The following CSMD1 variants were observed in gnomAD, a reference collection of about 807,000 sequenced individuals.
The protein encoded by CSMD1 is CUB and Sushi multiple domains 1, also known as CUB and sushi domain-containing protein 1.
In CSMD1, 213 loss-of-function variants were observed where a neutral mutation model predicts 417.5. The observed-to-expected ratio is 0.51, with a 90% CI of 0.46 to 0.57. The LOEUF (loss-of-function observed/expected upper bound fraction) is 0.57. Among genes scored for constraint, CSMD1 ranks in the 20% least tolerant of loss-of-function variants. CSMD1 has a pLI of 0.00. For synonymous variants in CSMD1, 2,862 were observed against 1,736.8 expected (o/e 1.65, Z -16.11); for missense variants, 6,923 against 4,529.7 (o/e 1.53, Z -15.17).
intron 3 of CSMD1, among the ~76,000 whole-genome samples, chr8:4,391,383 G>C (rs1456543531): frequency 1.3e-5 from 2 of 152,134 alleles, no homozygotes; most frequent in African/African-American, 2.4e-5. Flanking sequence ...TGCAGAAAAA[G>C]TGATGTAAGA....
Position 3,832,813 on chromosome 8 carries a change from A to T in CSMD1, c.819-78771T>A, listed in dbSNP as rs563661949. On this transcript the variant is annotated intron_variant, in intron 5 of 69. Transcript: ENST00000635120. ...TTAGAAATACCTTCGCCTTATTAAA[A>T]ATAAAATAAAAATCAATTTGTATGG... Among the ~76,000 whole-genome samples, 4 of 152,326 alleles carry T rather than the reference A, an allele frequency of 2.6e-5. No homozygotes were observed. The South Asian group carries it at 8.3e-4, about 32-fold the overall frequency.
At chr8:4,918,148 G>T (rs77460426) in intron 1 of CSMD1, among the ~76,000 whole-genome samples, 1 of 152,108 alleles carries the variant, frequency 6.6e-6, no homozygotes, top group Non-Finnish European at 1.5e-5. Flanking sequence ...TTCTTCCTTT[G>T]AATGGAATCC....
chr8:4,833,149 G>A (rs767584219), intron 1 of CSMD1, among the ~76,000 whole-genome samples: 1 of 152,092 alleles, frequency 6.6e-6, no homozygotes, highest in African/African-American at 2.4e-5. Flanking sequence ...GATATCCACT[G>A]TATTAGTCCA....
At chr8:4,114,702 C>G (rs1051875332) in intron 3 of CSMD1, among the ~76,000 whole-genome samples, 7 of 152,108 alleles carry the variant, frequency 4.6e-5, no homozygotes, top group African/African-American at 1.7e-4. Flanking sequence ...GTCAAAATTT[C>G]AAAATGAATA....
intron 1 of CSMD1, among the ~76,000 whole-genome samples, chr8:4,758,670 G>A (rs185637145): frequency 7.9e-4 from 120 of 152,280 alleles, no homozygotes; most frequent in Non-Finnish European, 1.4e-3. Flanking sequence ...CATGGCAAAA[G>A]GAATAGTGGA....
chr8:3,439,451 G>T (rs996728326), intron 12 of CSMD1, among the ~76,000 whole-genome samples: 1 of 149,984 alleles, frequency 6.7e-6, no homozygotes, highest in South Asian at 2.1e-4. Context: ...TTGGTGAAAG[G>T]TCTTCTGAAC....
At chr8:4,149,650 G>T (rs1296568268) in intron 3 of CSMD1, among the ~76,000 whole-genome samples, 1 of 152,198 alleles carries the variant, frequency 6.6e-6, no homozygotes, top group Non-Finnish European at 1.5e-5. Context: ...AACACCTACA[G>T]AATGGAGGAT....
intron 5 of CSMD1, among the ~76,000 whole-genome samples, chr8:3,853,637 C>G (rs1041003919): frequency 2.0e-5 from 3 of 151,926 alleles, no homozygotes. Flanking sequence ...CCCCTGTGAG[C>G]AATGCTCCTC....
At chr8:4,045,313 G>C (rs981854458) in intron 3 of CSMD1, among the ~76,000 whole-genome samples, 1 of 152,222 alleles carries the variant, frequency 6.6e-6, no homozygotes, top group Non-Finnish European at 1.5e-5. Flanking sequence ...TATAGGGTTA[G>C]GCAGGTAAAA....
chr8:4,660,782 G>C (rs974328519), intron 1 of CSMD1, among the ~76,000 whole-genome samples: 4 of 151,868 alleles, frequency 2.6e-5, no homozygotes, highest in African/African-American at 9.7e-5. Context: ...CAGCCATAAA[G>C]CCAACAATCC....
At chr8:4,983,444 C>A (rs1472582977) in intron 1 of CSMD1, among the ~76,000 whole-genome samples, 1 of 152,138 alleles carries the variant, frequency 6.6e-6, no homozygotes, top group Non-Finnish European at 1.5e-5. Context: ...GCAAGAGTGC[C>A]CTTCAGTTCT....
chr8:4,391,400 A>G (rs1339979073), intron 3 of CSMD1, among the ~76,000 whole-genome samples: 1 of 152,162 alleles, frequency 6.6e-6, no homozygotes, highest in Admixed American at 6.5e-5. Flanking sequence ...AAGACTTTGA[A>G]GACTAGGCTT....
intron 1 of CSMD1, among the ~76,000 whole-genome samples, chr8:4,680,738 C>G (rs919666094): frequency 6.6e-6 from 1 of 152,006 alleles, no homozygotes; most frequent in South Asian, 2.1e-4. Context: ...GCCCACCACA[C>G]CCAGCTATTT....
In CSMD1 at chr8:3,492,013, T is replaced by C. The variant is rs148973828; in HGVS notation, c.1448+1610A>G. 6.1e-3 allele frequency among the ~76,000 whole-genome samples: 928 copies of C among 152,050 alleles called. 6 individuals carry two copies. The highest frequency in any genetic ancestry group is 9.0e-3 in the Non-Finnish European group (611 of 67,970). ...ACAAGCTCTTTGTTCTCAGGGCAAATGGGAGGGGTAGGAAGGGATGAGGAA... is the reference window on the plus strand; with the variant it reads ...ACAAGCTCTTTGTTCTCAGGGCAAACGGGAGGGGTAGGAAGGGATGAGGAA... On this transcript the variant is annotated intron_variant, in intron 11 of 69. Coordinates refer to ENST00000635120, the MANE Select transcript of CSMD1 (RefSeq NM_033225.6).
At chr8:4,771,127 T>C (rs1796576191) in intron 1 of CSMD1, among the ~76,000 whole-genome samples, 1 of 152,164 alleles carries the variant, frequency 6.6e-6, no homozygotes, top group South Asian at 2.1e-4. Context: ...CATGTTAAAA[T>C]TGGTGAAGAT....
At chr8:4,816,542 T>G (rs1055301048) in intron 1 of CSMD1, among the ~76,000 whole-genome samples, 1 of 152,118 alleles carries the variant, frequency 6.6e-6, no homozygotes, top group Non-Finnish European at 1.5e-5. Flanking sequence ...CACGGTTTCT[T>G]TCTCATTTTC....
intron 6 of CSMD1, among the ~76,000 whole-genome samples, chr8:3,713,614 G>A (rs1046851402): frequency 5.3e-5 from 8 of 152,090 alleles, no homozygotes; most frequent in South Asian, 4.1e-4. Context: ...CACCCGTACC[G>A]TCCTTCATTA....
intron 26 of CSMD1, among the ~76,000 whole-genome samples, chr8:3,241,530 G>C (rs558090973): frequency 8.5e-5 from 13 of 152,260 alleles, no homozygotes; most frequent in African/African-American, 3.1e-4. Flanking sequence ...GAGAGTCTTG[G>C]GCCAGAGTTC....
chr8:4,289,692 T>A (rs1185197530), intron 3 of CSMD1, among the ~76,000 whole-genome samples: 3 of 152,188 alleles, frequency 2.0e-5, no homozygotes, highest in Non-Finnish European at 4.4e-5. Flanking sequence ...AGCAAAACTT[T>A]CAGCTTTGCT....
Sources: allele counts gnomAD v4.1 joint callset (sites outside exome capture counted in the v4.1 genomes callset), GRCh38; gene constraint gnomAD v4.1.1; transcripts MANE v1.5; gene names NCBI Gene and HGNC (gene_info 2026-07-23, HGNC 2026-07-21).